The following KIAA1210 variants were observed in gnomAD, a reference collection of about 807,000 sequenced individuals.
KIAA1210 encodes the protein acrosomal protein KIAA1210.
KIAA1210 carries 48 observed loss-of-function variants against 78.9 expected under a neutral mutation model. That is an observed-to-expected ratio of 0.61 (90% CI 0.48 to 0.77). The LOEUF (loss-of-function observed/expected upper bound fraction) is 0.77, where lower values mean the gene tolerates loss of function less well. Among genes scored for constraint, KIAA1210 ranks in the 30% least tolerant of loss-of-function variants. The probability of loss-of-function intolerance (pLI) is 0.00; values close to 1 mark genes in which losing one functional copy is unlikely to be tolerated. For missense variants in KIAA1210, 1,108 were observed against 1,100.0 expected (o/e 1.01, Z -0.10); for synonymous variants, 406 against 404.5 (o/e 1.00, Z -0.04).
chrX:119,115,009 G>A (rs1036565148), intron 3 of KIAA1210, among the ~76,000 whole-genome samples: 2 of 112,005 alleles, frequency 1.8e-5, no homozygotes, highest in Non-Finnish European at 3.8e-5. Flanking sequence ...TACAGTCTTG[G>A]AAATAGATGC....
At chrX:119,083,998 CAAAAAAAAAAAAAAA>C (rs751363845) in intron 10 of KIAA1210, among the ~76,000 whole-genome samples, 5 of 16,955 alleles carry the variant, frequency 2.9e-4, no homozygotes, top group Non-Finnish European at 6.1e-4. Context: ...GAACCTGTCT[CAAAAAAAAAAAAAAA>C]AAAAAAAAAA....
chrX:119,134,579 T>C (rs756414214), intron 2 of KIAA1210, among the ~76,000 whole-genome samples: 1 of 112,267 alleles, frequency 8.9e-6, no homozygotes, highest in Non-Finnish European at 1.9e-5. Context: ...ATCAAACAGA[T>C]GCCCAAATAG....
upstream of KIAA1210, chrX:119,150,588 G>A (rs757858038): frequency 1.2e-5 from 14 of 1,194,142 alleles, no homozygotes; most frequent in East Asian, 3.6e-4. Flanking sequence ...ATTTCCCCGC[G>A]TAGAGTTGAC....
chrX:119,125,684 A>G (rs2147191904), intron 1 of KIAA1210, among the ~76,000 whole-genome samples: 1 of 78,372 alleles, frequency 1.3e-5, no homozygotes, highest in African/African-American at 4.6e-5. Flanking sequence ...AGCTGGGAGT[A>G]CAGGCGTGCT....
intron 2 of KIAA1210, among the ~76,000 whole-genome samples, chrX:119,120,859 C>G (rs940026134): frequency 3.6e-5 from 4 of 111,742 alleles, no homozygotes; most frequent in Non-Finnish European, 5.6e-5. Flanking sequence ...GAGATGGTAA[C>G]TGCCAAATAT....
rs1603273788 is a variant in KIAA1210, at chrX:119,147,572, G to T, written c.311C>A (p.Thr104Asn). The change falls in exon 2 of 14, where the codon ACT (threonine) becomes AAT (asparagine). Residue 104 changes from threonine (T) to asparagine (N), a missense_variant. Physicochemically the swap from Thr to Asn is moderately conservative, Grantham distance 65. Coordinates refer to the KIAA1210 transcript ENST00000402510. ...CCCAAGATTACCAGCAATCACTGCA[G>T]TGCCACAAAAGCATCCAGGTCCTGT... is the stretch of plus-strand genomic sequence containing the variant. 4.1e-6 allele frequency: 5 copies of T among 1,210,340 alleles called. No individual in the cohort carries two copies. In the East Asian group the frequency reaches 1.5e-4, roughly 36 times the overall value.
At position 119,096,701 on chromosome X, in the gene KIAA1210, G is replaced by C; in HGVS notation, c.649-10C>G. 1 of 1,178,051 alleles carries C rather than the reference G, an allele frequency of 8.5e-7. No homozygotes were observed. The highest frequency in any genetic ancestry group is 1.1e-6 in the Non-Finnish European group (1 of 873,259). On this transcript the variant is annotated splice_polypyrimidine_tract_variant and intron_variant, in intron 6 of 11. Transcript: ENST00000691062. ...ATAACTCAGAGAAGCTCTGGGGAAG[G>C]TGGGAGAAAATAGACGAGTCAACCC...
At chrX:119,116,471 C>T in intron 3 of KIAA1210, 25 bp downstream of exon 3, 3 of 1,202,133 alleles carry the variant, frequency 2.5e-6, no homozygotes, top group Non-Finnish European at 3.4e-6. Context: ...CTGTCCCCAT[C>T]ACTCTCCACC....
intron 1 of KIAA1210, among the ~76,000 whole-genome samples, chrX:119,127,073 CAAAA>C (rs5903547): frequency 3.2e-5 from 3 of 92,634 alleles, no homozygotes; most frequent in Admixed American, 1.2e-4. Context: ...GAACCTGTCT[CAAAA>C]AAAAAAAAAA....
At chrX:119,122,719 G>GTC (rs757118850) in intron 2 of KIAA1210, among the ~76,000 whole-genome samples, 16 of 109,641 alleles carry the variant, frequency 1.5e-4, no homozygotes, top group South Asian at 7.8e-4. Context: ...TTTTCTCTCT[G>GTC]TCTCTCTCTC....
At chrX:119,084,494 T>C (rs942657604) in intron 10 of KIAA1210, among the ~76,000 whole-genome samples, 1 of 112,179 alleles carries the variant, frequency 8.9e-6, no homozygotes, top group African/African-American at 3.2e-5. Flanking sequence ...TACATATTGA[T>C]AGGTATAAAA....
At chrX:119,090,074 C>G (rs1003154356) in intron 8 of KIAA1210, among the ~76,000 whole-genome samples, 4 of 111,183 alleles carry the variant, frequency 3.6e-5, no homozygotes, top group Non-Finnish European at 7.5e-5. Context: ...GGGAAACTGA[C>G]TGGGGAAGGA....
chrX:119,104,995 A>C lies in KIAA1210; in HGVS notation c.645T>G (p.Thr215=). 8.3e-7 allele frequency: 1 copy of C among 1,208,204 alleles called. No homozygotes were observed. The highest frequency in any genetic ancestry group is 1.1e-6 in the Non-Finnish European group (1 of 893,644). The change falls in exon 6 of 12, where the codon ACT becomes ACG. Residue 215 remains threonine, a synonymous_variant. Coordinates refer to ENST00000691062, the MANE Select transcript of KIAA1210 (RefSeq NM_001394962.1). ...CTGTCCCTTAATATATACTCACCTG[A>C]GTCGCTGTCAAACTCTTATGTGGTA... The part of the protein sequence containing the change: ...KALPHKSLTA[T]QSFSELSSGP...
At chrX:119,092,623 T>C (rs1001137295) in intron 8 of KIAA1210, among the ~76,000 whole-genome samples, 2 of 109,988 alleles carry the variant, frequency 1.8e-5, no homozygotes, top group African/African-American at 6.6e-5. Flanking sequence ...TAGCCAAGCG[T>C]GGCGGCGGGC....
Position 119,082,157 on chromosome X carries a change from G to A in KIAA1210, c.4427-653C>T, listed in dbSNP as rs765677644. Among the ~76,000 whole-genome samples the A allele has an allele frequency of 2.1e-3, 236 of 111,882 alleles. 3 individuals are homozygous for A. Among genetic ancestry groups the A allele is most frequent in the African/African-American group, 7.2e-3 (223 of 30,824 alleles). On this transcript the variant is annotated intron_variant, in intron 11 of 11. Coordinates refer to ENST00000691062, the MANE Select transcript of KIAA1210 (RefSeq NM_001394962.1). ...TTTTAAAAACACCAAAGCCCATGCC[G>A]TTTCCTGAAGCAAATGAATTAGAAT...
intron 2 of KIAA1210, among the ~76,000 whole-genome samples, chrX:119,145,726 G>A (rs1253325864): frequency 2.7e-5 from 3 of 111,913 alleles, no homozygotes; most frequent in Non-Finnish European, 5.6e-5. Flanking sequence ...ACTTAACTTG[G>A]CCTTCTGAAA....
At chrX:119,126,337 G>T (rs909494442) in intron 1 of KIAA1210, among the ~76,000 whole-genome samples, 37 of 111,949 alleles carry the variant, frequency 3.3e-4, no homozygotes, top group Admixed American at 9.4e-5. Context: ...AACTGACAGG[G>T]CTGTGGTGTC....
chrX:119,093,601 T>A, intron 8 of KIAA1210, 66 bp downstream of exon 8: 1 of 825,543 alleles, frequency 1.2e-6, no homozygotes, highest in East Asian at 3.2e-5. Flanking sequence ...ATAGCTCCTA[T>A]CAACATAGCA....
chrX:119,107,523 C>T (rs1441153742), intron 5 of KIAA1210, among the ~76,000 whole-genome samples: 1 of 111,623 alleles, frequency 9.0e-6, no homozygotes, highest in Non-Finnish European at 1.9e-5. Flanking sequence ...GTGACTTTTC[C>T]TGCTGTAGTA....
Sources: allele counts gnomAD v4.1 joint callset (sites outside exome capture counted in the v4.1 genomes callset), GRCh38; gene constraint gnomAD v4.1.1; transcripts MANE v1.5; gene names NCBI Gene and HGNC (gene_info 2026-07-23, HGNC 2026-07-21).